PRDM2: variants seen among roughly 807,000 people sequenced by gnomAD.
The protein encoded by PRDM2 is PR domain zinc finger protein 2.
A neutral mutation model predicts 130.0 loss-of-function variants in PRDM2; 30 were observed. The observed-to-expected ratio is 0.23, with a 90% CI of 0.17 to 0.31. The LOEUF is 0.31. Ranked by LOEUF, PRDM2 falls within the 10% of genes least tolerant of loss-of-function variation. The pLI is 1.00. For missense variants in PRDM2, 2,011 were observed against 2,108.4 expected, an observed-to-expected ratio of 0.95 and a Z score of 0.90; for synonymous variants, 871 against 782.4, an observed-to-expected ratio of 1.11 and a Z score of -1.89.
chr1:13,788,213 C>A, intron 8 of PRDM2: 1 of 664,972 alleles, frequency 1.5e-6, no homozygotes, highest in Non-Finnish European at 1.9e-6. Context: ...GGCGTCTGTT[C>A]ACTTGTTTCT....
intron 9 of PRDM2, 75 bp downstream of exon 9, chr1:13,816,645 G>A: frequency 6.5e-7 from 1 of 1,529,836 alleles, no homozygotes; most frequent in South Asian, 1.2e-5. Flanking sequence ...TCTTGGGTGG[G>A]GAGGGAAGGA....
At chr1:13,767,274 T>G (rs1644249390) in intron 6 of PRDM2, among the ~76,000 whole-genome samples, 1 of 152,090 alleles carries the variant, frequency 6.6e-6, no homozygotes, top group African/African-American at 2.4e-5. Context: ...GTTGCTTTTT[T>G]TTTTTTAAAC....
Position 13,780,894 on chromosome 1 carries a change from C to A in PRDM2, c.3099C>A (p.Pro1033=), listed in dbSNP as rs1173490446. Residue 1033 remains proline (P), a synonymous_variant, in exon 8 of 10, where the codon CCC becomes CCA. Coordinates refer to ENST00000311066, the MANE Select transcript of PRDM2 (RefSeq NM_001393986.1). ...CAACAGTGTCCCCCTCTCCCTCTCCCATTCCTCCCGTGGAGCCCCTGATGT... is the reference window on the plus strand; with the variant it reads ...CAACAGTGTCCCCCTCTCCCTCTCCAATTCCTCCCGTGGAGCCCCTGATGT... ...LSPTVSPSPS[P]IPPVEPLMSA... 1 of 1,613,444 alleles carries A rather than the reference C, an allele frequency of 6.2e-7. No homozygotes were observed. The highest frequency in any genetic ancestry group is 8.5e-7 in the Non-Finnish European group (1 of 1,179,538).
intron 5 of PRDM2, among the ~76,000 whole-genome samples, chr1:13,743,593 G>C (rs1361370133): frequency 6.6e-6 from 1 of 152,058 alleles, no homozygotes; most frequent in Non-Finnish European, 1.5e-5. Context: ...ATAGTCTATG[G>C]AAAAAATGAT....
chr1:13,703,650 G>C (rs974460547), intron 1 of PRDM2, among the ~76,000 whole-genome samples: 12 of 152,212 alleles, frequency 7.9e-5, no homozygotes, highest in Non-Finnish European at 1.5e-5. Flanking sequence ...TCATGACGTG[G>C]AATCAGCATT....
chr1:13,778,623 GGAT>G lies in PRDM2; in HGVS notation c.831_833del (p.Asp277del). 2 of 1,612,972 alleles carry G rather than the reference GGAT, an allele frequency of 1.2e-6. No individual in the cohort carries two copies. The highest frequency in any genetic ancestry group is 1.7e-6 in the Non-Finnish European group (2 of 1,179,336). On this transcript the variant is annotated inframe_deletion, in exon 8 of 10. Transcript: ENST00000311066. Reference sequence around the variant, plus strand: ...AAGAGGAGGAGGAGGAAGAGGAGGAGGATGAAGAAGAAGAAGAAGATGATGATG... The same window carrying G: ...AAGAGGAGGAGGAGGAAGAGGAGGAGGAAGAAGAAGAAGAAGATGATGATG...
intron 2 of PRDM2, among the ~76,000 whole-genome samples, chr1:13,718,512 A>T (rs1642618899): frequency 6.6e-6 from 1 of 152,120 alleles, no homozygotes. Context: ...AGTGTGTTCC[A>T]AGTCGGTCCT....
rs757847294 is a variant in PRDM2, at chr1:13,782,813, A to G, written c.5018A>G (p.Gln1673Arg). The change falls in exon 8 of 10, where the codon CAG (glutamine) becomes CGG (arginine). Residue 1673 changes from glutamine (Q) to arginine (R), a missense_variant. Around this residue, in one of 5 missense-constraint regions of PRDM2, gnomAD observed 410 missense variants for 395.9 expected, o/e 1.04. Coordinates refer to ENST00000311066, the MANE Select transcript of PRDM2 (RefSeq NM_001393986.1). ...ENKREDGSAKQELKDFSYSLR... is the reference protein window; with the variant it reads ...ENKREDGSAKRELKDFSYSLR... ...AAGAGAGAGGACGGCAGCGCCAAGC[A>G]GGAGCTGAAGGACTTCAGGTAAGCT... 3 of 1,608,074 alleles carry G rather than the reference A, an allele frequency of 1.9e-6. No individual in the cohort carries two copies. The highest frequency in any genetic ancestry group is 2.5e-6 in the Non-Finnish European group (3 of 1,178,814).
At position 13,780,418 on chromosome 1, in the gene PRDM2, T is replaced by C; in HGVS notation, c.2623T>C (p.Cys875Arg). ...FKESHSVQPTCSAVKKRKPTT... is the reference protein window; with the variant it reads ...FKESHSVQPTRSAVKKRKPTT... ...AGAAAGTCATTCAGTGCAGCCTACG[T>C]GTAGTGCTGTAAAGAAAAGGAAACC... Residue 875 changes from cysteine to arginine, a missense_variant, in exon 8 of 10, where the codon TGT becomes CGT. By Grantham distance (180) the Cys-to-Arg change is radical. Transcript: ENST00000311066. 6.2e-7 allele frequency: 1 copy of C among 1,614,190 alleles called. No homozygotes were observed.
chr1:13,700,701 A>G (rs1352802026), intron 1 of PRDM2, among the ~76,000 whole-genome samples: 3 of 152,018 alleles, frequency 2.0e-5, no homozygotes, highest in Non-Finnish European at 2.9e-5. Flanking sequence ...CCAATTGTCA[A>G]GCCGCTGTGC....
rs1262910625 is a variant in PRDM2, at chr1:13,781,717, C to T, written c.3922C>T (p.Arg1308Cys). ...ACCACCTCCATTTCAGTACCATCAC[C>T]GTAACCCCATGGGGATTGGTGTGAC... ...FKPPPFQYHH[R>C]NPMGIGVTAT... The change falls in exon 8 of 10, where the codon CGT becomes TGT. Residue 1308 changes from arginine (R) to cysteine (C), a missense_variant. By Grantham distance (180) the Arg-to-Cys change is radical. Around this residue, in one of 5 missense-constraint regions of PRDM2, gnomAD observed 229 missense variants for 364.1 expected, o/e 0.63. Transcript: ENST00000311066. This position sits in a 1 kb window ranked among gnomAD's most constrained non-coding sequence, Gnocchi z 6.1. 13 of 1,614,170 alleles carry T rather than the reference C, an allele frequency of 8.1e-6. No individual in the cohort carries two copies. Among genetic ancestry groups the T allele is most frequent in the South Asian group, 2.2e-5 (2 of 91,088 alleles).
At chr1:13,764,199 A>T (rs1297592259) in intron 6 of PRDM2, among the ~76,000 whole-genome samples, 2 of 152,112 alleles carry the variant, frequency 1.3e-5, no homozygotes, top group African/African-American at 4.8e-5. Flanking sequence ...CTGGAAATGC[A>T]CCTCCTCTAC....
intron 8 of PRDM2, among the ~76,000 whole-genome samples, chr1:13,793,273 A>G (rs1355432128): frequency 3.9e-5 from 6 of 152,354 alleles, no homozygotes; most frequent in South Asian, 4.1e-4. Context: ...AGAAGGCAGC[A>G]TGTGTTCCCA....
chr1:13,799,242 G>A (rs551785551), intron 8 of PRDM2, among the ~76,000 whole-genome samples: 4 of 152,214 alleles, frequency 2.6e-5, no homozygotes, highest in East Asian at 1.9e-4. Flanking sequence ...TCAGGAGTTC[G>A]AGACCAGCCT....
chr1:13,775,674 T>C (rs1644460083), intron 7 of PRDM2, among the ~76,000 whole-genome samples: 1 of 152,186 alleles, frequency 6.6e-6, no homozygotes, highest in African/African-American at 2.4e-5. Context: ...ATACTTGGCA[T>C]TGACCTCTTC....
chr1:13,817,234 G>A (rs1393938213), intron 9 of PRDM2, among the ~76,000 whole-genome samples: 2 of 152,162 alleles, frequency 1.3e-5, no homozygotes, highest in African/African-American at 4.8e-5. Context: ...CAAGTATGTA[G>A]TGCAAATATT....
intron 9 of PRDM2, among the ~76,000 whole-genome samples, chr1:13,821,131 CTG>C (rs942752678): frequency 4.6e-5 from 7 of 152,062 alleles, no homozygotes; most frequent in Admixed American, 4.6e-4. Context: ...CTTCACGCCT[CTG>C]TGTTTCAATT....
At position 13,782,695 on chromosome 1, in the gene PRDM2, A is replaced by G. The variant is rs1420600088; in HGVS notation, c.4900A>G (p.Thr1634Ala). The G allele has an allele frequency of 6.2e-7, 1 of 1,614,154 alleles. No homozygotes were observed. Among genetic ancestry groups the G allele is most frequent in the Admixed American group, 1.7e-5 (1 of 60,028 alleles). Residue 1634 changes from threonine (T) to alanine (A), a missense_variant, in exon 8 of 10, where the codon ACA becomes GCA. Thr to Ala is a moderately conservative substitution (Grantham distance 58). This residue lies in a region of PRDM2 where 410 missense variants were observed against 395.9 expected (regional missense o/e 1.04). Coordinates refer to ENST00000311066, the MANE Select transcript of PRDM2 (RefSeq NM_001393986.1). Reference sequence around the variant, plus strand: ...ATCCACCTTGGCGAGTAAGAAAAGAACAGACCGGTTCAATATAAAATCTAG... The same window carrying G: ...ATCCACCTTGGCGAGTAAGAAAAGAGCAGACCGGTTCAATATAAAATCTAG... ...SKSTLASKKRTDRFNIKSRER... is the reference protein window; with the variant it reads ...SKSTLASKKRADRFNIKSRER...
intron 8 of PRDM2, among the ~76,000 whole-genome samples, chr1:13,813,214 A>G (rs921188058): frequency 6.6e-6 from 1 of 152,212 alleles, no homozygotes; most frequent in Non-Finnish European, 1.5e-5. Context: ...CCTGGAACTC[A>G]GACAGGTCCA....
Sources: allele counts gnomAD v4.1 joint callset (sites outside exome capture counted in the v4.1 genomes callset), GRCh38; gene constraint gnomAD v4.1.1; regional missense constraint gnomAD v4.1.1; non-coding constraint Gnocchi (gnomAD v3.1); transcripts MANE v1.5; gene names NCBI Gene and HGNC (gene_info 2026-07-23, HGNC 2026-07-21).